The following RUVBL1 variants were observed in gnomAD, a reference collection of about 807,000 sequenced individuals.
RUVBL1 encodes the protein RuvB like AAA ATPase 1.
In RUVBL1, 4 loss-of-function variants were observed where a neutral mutation model predicts 52.4. The observed-to-expected ratio is 0.08, with a 90% CI of 0.04 to 0.17. RUVBL1 has a LOEUF of 0.17. Among genes scored for constraint, RUVBL1 ranks in the 10% least tolerant of loss-of-function variants. The pLI, the probability that RUVBL1 is intolerant of heterozygous loss-of-function variation, is 1.00. For synonymous variants in RUVBL1, 217 were observed against 214.4 expected (o/e 1.01, Z -0.10); for missense variants, 298 against 572.8 (o/e 0.52, Z 4.90).
At chr3:128,108,886 A>G (rs2107701460) in intron 3 of RUVBL1, among the ~76,000 whole-genome samples, 1 of 152,346 alleles carries the variant, frequency 6.6e-6, no homozygotes, top group South Asian at 2.1e-4. Flanking sequence ...AAAAATCCAC[A>G]AAGTACACTG....
intron 9 of RUVBL1, among the ~76,000 whole-genome samples, chr3:128,073,851 AG>A (rs1313300278): frequency 1.3e-5 from 2 of 152,214 alleles, no homozygotes; most frequent in Admixed American, 6.5e-5. Flanking sequence ...TGCCCATCGG[AG>A]GGGGCTGAAT....
intron 1 of RUVBL1, among the ~76,000 whole-genome samples, chr3:128,137,539 C>T (rs1024034080): frequency 5.3e-5 from 8 of 152,166 alleles, no homozygotes; most frequent in African/African-American, 1.9e-4. Flanking sequence ...AAGATCAAAG[C>T]TGTAATAAAA....
At chr3:128,109,799 C>T (rs1476996036) in intron 3 of RUVBL1, among the ~76,000 whole-genome samples, 1 of 144,298 alleles carries the variant, frequency 6.9e-6, no homozygotes, top group African/African-American at 2.6e-5. Flanking sequence ...CAGGCCTGGC[C>T]TCTCTGTAAA....
At chr3:128,130,851 C>T (rs553940648) in intron 1 of RUVBL1, among the ~76,000 whole-genome samples, 3 of 151,924 alleles carry the variant, frequency 2.0e-5, no homozygotes, top group Non-Finnish European at 2.9e-5. Context: ...CGGGTTTCAC[C>T]GTGTTATCCA....
At chr3:128,117,508 T>C (rs1576473006) in intron 2 of RUVBL1, among the ~76,000 whole-genome samples, 1 of 152,138 alleles carries the variant, frequency 6.6e-6, no homozygotes, top group East Asian at 1.9e-4. Context: ...CTGCCCCAGG[T>C]TGAAAACCAC....
chr3:128,145,496 G>C (rs1177296901), intron 1 of RUVBL1, among the ~76,000 whole-genome samples: 2 of 152,244 alleles, frequency 1.3e-5, no homozygotes, highest in African/African-American at 4.8e-5. Flanking sequence ...GCCCCCAGAG[G>C]TCTGAGGAAG....
chr3:128,087,801 C>T lies in RUVBL1; in HGVS notation c.1024G>A (p.Glu342Lys). 2 of 1,613,546 alleles carry T rather than the reference C, an allele frequency of 1.2e-6. No individual in the cohort carries two copies. The highest frequency in any genetic ancestry group is 1.7e-6 in the Non-Finnish European group (2 of 1,179,592). ...NRGNCVIRGTEDITSPHGIPL... is the reference protein window; with the variant it reads ...NRGNCVIRGTKDITSPHGIPL... The stretch of plus-strand genomic sequence containing the variant: ...ATGCCGTGAGGGGATGTGATGTCCT[C>T]AGTGCCTCTGTAAGGGGCAAAATTA... Residue 342 changes from glutamate (E) to lysine (K), a missense_variant, in exon 9 of 11, where the codon GAG becomes AAG. Coordinates refer to ENST00000322623, the MANE Select transcript of RUVBL1 (RefSeq NM_003707.3).
intron 3 of RUVBL1, among the ~76,000 whole-genome samples, chr3:128,105,865 CTTTTTTTTT>C (rs11311563): frequency 1.1e-5 from 1 of 88,912 alleles, no homozygotes; most frequent in Non-Finnish European, 2.2e-5. Context: ...TTCCCTTTTT[CTTTTTTTTT>C]TTTTTTTTTT....
intron 9 of RUVBL1, among the ~76,000 whole-genome samples, chr3:128,087,182 T>C (rs1273320447): frequency 6.6e-6 from 1 of 152,246 alleles, no homozygotes; most frequent in Non-Finnish European, 1.5e-5. Flanking sequence ...CAGGCTCTGC[T>C]AGGACACAAG....
chr3:128,109,578 A>C (rs1043159883), intron 3 of RUVBL1, among the ~76,000 whole-genome samples: 2 of 151,968 alleles, frequency 1.3e-5, no homozygotes, highest in African/African-American at 2.4e-5. Flanking sequence ...AGCTCACTGC[A>C]GCCTCGACTT....
At chr3:128,145,509 T>A (rs990208243) in intron 1 of RUVBL1, among the ~76,000 whole-genome samples, 23 of 152,182 alleles carry the variant, frequency 1.5e-4, no homozygotes, top group Non-Finnish European at 3.2e-4. Flanking sequence ...TGAGGAAGCT[T>A]CCAGAGGGCG....
At chr3:128,147,971 T>A (rs979338675) in intron 1 of RUVBL1, among the ~76,000 whole-genome samples, 15 of 152,234 alleles carry the variant, frequency 9.9e-5, no homozygotes, top group Non-Finnish European at 1.8e-4. Flanking sequence ...AAATGCATTA[T>A]GCTAAGTGAA....
chr3:128,073,273 C>T lies in RUVBL1; in HGVS notation c.940-8053G>A, dbSNP rs1003741708. On this transcript the variant is annotated intron_variant, in intron 9 of 9. Transcript: ENST00000464873. ...CTTGGCTCAGGGGCAGCACCCGCTTCAACTGGCACTCCGCTCCATCCATGG... is the reference window on the plus strand; with the variant it reads ...CTTGGCTCAGGGGCAGCACCCGCTTTAACTGGCACTCCGCTCCATCCATGG... Among the ~76,000 whole-genome samples, 4 of 152,156 alleles carry T rather than the reference C, an allele frequency of 2.6e-5. No homozygotes were observed. In the East Asian group the frequency reaches 7.7e-4, roughly 29 times the overall value.
At chr3:128,150,873 T>TAATATA (rs1559841556) in intron 1 of RUVBL1, among the ~76,000 whole-genome samples, 11 of 76,638 alleles carry the variant, frequency 1.4e-4, no homozygotes, top group Non-Finnish European at 2.4e-4. Context: ...ATTATATATA[T>TAATATA]ATATTCTATA....
At chr3:128,105,100 T>C (rs962470409) in intron 3 of RUVBL1, among the ~76,000 whole-genome samples, 176 bp from the exon 4 acceptor site, 1 of 151,112 alleles carries the variant, frequency 6.6e-6, no homozygotes, top group African/African-American at 2.4e-5. Context: ...GAGGCACTAT[T>C]AGAAATGCAA....
At chr3:128,065,988 C>T (rs190476499) in intron 9 of RUVBL1, among the ~76,000 whole-genome samples, 16 of 152,048 alleles carry the variant, frequency 1.1e-4, no homozygotes, top group Non-Finnish European at 1.9e-4. Context: ...GTGATCCGCC[C>T]GCCTCCACAT....
At chr3:128,071,751 G>C (rs1942173053) in intron 9 of RUVBL1, 1 of 152,782 alleles carries the variant, frequency 6.5e-6, no homozygotes, top group Admixed American at 6.5e-5. Context: ...CGCAAAGCTT[G>C]GTTGCAGCTT....
intron 8 of RUVBL1, among the ~76,000 whole-genome samples, chr3:128,094,202 G>A (rs758345855): frequency 2.6e-5 from 4 of 152,178 alleles, no homozygotes; most frequent in Non-Finnish European, 5.9e-5. Flanking sequence ...GAGCTTCCAC[G>A]TGACTCCAAT....
At chr3:128,106,940 C>T (rs1355440168) in intron 3 of RUVBL1, among the ~76,000 whole-genome samples, 1 of 152,158 alleles carries the variant, frequency 6.6e-6, no homozygotes, top group Non-Finnish European at 1.5e-5. Context: ...GGCAACATTC[C>T]CTTTTTTGAT....
Sources: gnomAD v4.1 joint callset for allele counts (sites outside exome capture counted in the v4.1 genomes callset) on GRCh38, gnomAD v4.1.1 for gene constraint, MANE v1.5 for transcripts, NCBI Gene and HGNC (gene_info 2026-07-23, HGNC 2026-07-21) for gene names.